ARHGAP19: variants seen among roughly 807,000 people sequenced by gnomAD.
ARHGAP19 encodes Rho GTPase activating protein 19.
A neutral mutation model predicts 60.9 loss-of-function variants in ARHGAP19; 48 were observed. The observed-to-expected ratio is 0.79, with a 90% CI of 0.62 to 1.00. ARHGAP19 has a LOEUF of 1.00. Among genes scored for constraint, ARHGAP19 ranks in the 50% least tolerant of loss-of-function variants. The pLI is 0.00. For synonymous variants in ARHGAP19, 209 were observed against 215.5 expected, an observed-to-expected ratio of 0.97 and a Z score of 0.27; for missense variants, 562 against 597.2, an observed-to-expected ratio of 0.94 and a Z score of 0.61.
intron 6 of ARHGAP19, among the ~76,000 whole-genome samples, chr10:97,247,006 G>T (rs182907269): frequency 6.6e-6 from 1 of 151,998 alleles, no homozygotes; most frequent in Admixed American, 6.6e-5. Context: ...GTGTGGTGGC[G>T]TATGCCTGTA....
intron 4 of ARHGAP19, among the ~76,000 whole-genome samples, chr10:97,261,079 A>T (rs1331197134): frequency 6.6e-6 from 1 of 152,078 alleles, no homozygotes; most frequent in African/African-American, 2.4e-5. Flanking sequence ...GCTGCTCCTT[A>T]TAACAGGCAG....
chr10:97,271,609 T>C (rs950229907), intron 1 of ARHGAP19, among the ~76,000 whole-genome samples: 8 of 151,968 alleles, frequency 5.3e-5, no homozygotes, highest in Non-Finnish European at 7.4e-5. Flanking sequence ...AATTTAAAAA[T>C]AGTATCTTTC....
At chr10:97,229,029 AATTTTTAT>A in intron 11 of ARHGAP19, 110 bp downstream of exon 11, 2 of 1,020,280 alleles carry the variant, frequency 2.0e-6, no homozygotes, top group South Asian at 2.6e-5. Flanking sequence ...CTGGCCTTGT[AATTTTTAT>A]GTCACTTCTG....
intron 4 of ARHGAP19, among the ~76,000 whole-genome samples, chr10:97,260,057 G>A (rs1271511919): frequency 3.3e-5 from 5 of 149,504 alleles, no homozygotes; most frequent in Non-Finnish European, 7.4e-5. Flanking sequence ...GGATGGTCTC[G>A]ATCTCCTGAC....
Position 97,264,819 on chromosome 10 carries a change from G to A in ARHGAP19, c.403+7C>T. On this transcript the variant is annotated splice_region_variant and intron_variant, in intron 3 of 11. Coordinates refer to ENST00000358531, the MANE Select transcript of ARHGAP19 (RefSeq NM_032900.6). ...ACAAAGAATGATAAAATTTCAAGTA[G>A]TCTTACTTTTGTGTAGATACTCAAT... The A allele has an allele frequency of 6.3e-7, 1 of 1,599,162 alleles. No homozygotes were observed. The highest frequency in any genetic ancestry group is 8.6e-7 in the Non-Finnish European group (1 of 1,167,778).
chr10:97,252,222 G>C (rs1842693600), intron 6 of ARHGAP19, among the ~76,000 whole-genome samples: 1 of 151,776 alleles, frequency 6.6e-6, no homozygotes, highest in African/African-American at 2.4e-5. Context: ...ATGCGCCTGT[G>C]GTCCCAGCTA....
rs537612843 is a variant in ARHGAP19, at chr10:97,251,083, G to A, written c.928-4746C>T. Among the ~76,000 whole-genome samples, 156 of 143,142 alleles carry A rather than the reference G, an allele frequency of 1.1e-3. 1 individual carries two copies. The highest frequency in any genetic ancestry group is 3.9e-3 in the African/African-American group (149 of 37,978). The allele number at this position is 143,142 out of a possible 152,430, so 93.9% of individuals were successfully genotyped here. ...CAAAAGAAAGAAAATAAGGAAGGAA[G>A]GGAAAGGGGAAGGGGAAAAGGAAGG... is the stretch of plus-strand genomic sequence containing the variant. On this transcript the variant is annotated intron_variant, in intron 6 of 11. Transcript: ENST00000358531.
At chr10:97,284,855 C>CA (rs1843132783) in intron 1 of ARHGAP19, among the ~76,000 whole-genome samples, 1 of 124,152 alleles carries the variant, frequency 8.1e-6, no homozygotes, top group Non-Finnish European at 1.7e-5. Context: ...AAAGCATATA[C>CA]TTTTTTTTTT....
At chr10:97,274,476 A>T (rs2134907887) in intron 1 of ARHGAP19, among the ~76,000 whole-genome samples, 1 of 151,988 alleles carries the variant, frequency 6.6e-6, no homozygotes, top group South Asian at 2.1e-4. Flanking sequence ...AAAAAAAAAA[A>T]AGAGTTCCTG....
chr10:97,235,971 TTGA>T (rs1308655351), intron 8 of ARHGAP19, among the ~76,000 whole-genome samples: 1 of 152,200 alleles, frequency 6.6e-6, no homozygotes, highest in Non-Finnish European at 1.5e-5. Context: ...TTTCAGATTG[TTGA>T]TGATGTTGCT....
chr10:97,259,310 T>C (rs1842796014), intron 5 of ARHGAP19, 92 bp downstream of exon 5: 1 of 1,035,548 alleles, frequency 9.7e-7, no homozygotes, highest in Admixed American at 1.8e-5. Context: ...GGCTAGACCT[T>C]GGACCCTTGA....
intron 8 of ARHGAP19, among the ~76,000 whole-genome samples, chr10:97,241,935 A>G (rs894959622): frequency 4.6e-5 from 7 of 151,438 alleles, no homozygotes; most frequent in Non-Finnish European, 1.0e-4. Context: ...GCGTGAACCC[A>G]GGAGGCGGAG....
Position 97,223,965 on chromosome 10 carries a change from AC to A in ARHGAP19, c.*2156del, listed in dbSNP as rs2134791559. 1 of 152,392 alleles carries A rather than the reference AC, an allele frequency of 6.6e-6. No homozygotes were observed. Among genetic ancestry groups the A allele is most frequent in the Admixed American group, 6.5e-5 (1 of 15,306 alleles). 9.4% of individuals were successfully genotyped at this position (152,392 alleles called of 1,614,324 possible). ...AAACACACATAAACCACCCAAGGAG[AC>A]CAGCTATATAAAGGCATGTGCATGT... On this transcript the variant is annotated 3_prime_UTR_variant, in exon 12 of 12. Coordinates refer to ENST00000358531, the MANE Select transcript of ARHGAP19 (RefSeq NM_032900.6).
At chr10:97,259,338 A>G in intron 5 of ARHGAP19, 64 bp downstream of exon 5, 2 of 1,249,532 alleles carry the variant, frequency 1.6e-6, no homozygotes, top group South Asian at 1.2e-5. Context: ...ACCAATGTAC[A>G]GCCATAGAAT....
intron 2 of ARHGAP19, 102 bp downstream of exon 2, chr10:97,265,758 T>C (rs948987316): frequency 2.7e-6 from 4 of 1,472,590 alleles, no homozygotes; most frequent in African/African-American, 1.4e-5. Flanking sequence ...GGCCAAAAAA[T>C]GCTTTAAGTT....
At chr10:97,243,067 C>A (rs933669256) in intron 8 of ARHGAP19, among the ~76,000 whole-genome samples, 4 of 152,196 alleles carry the variant, frequency 2.6e-5, no homozygotes, top group African/African-American at 7.2e-5. Flanking sequence ...TCAGCCAACA[C>A]CCTGTAAAAT....
intron 1 of ARHGAP19, among the ~76,000 whole-genome samples, chr10:97,283,325 G>A (rs1016746502): frequency 2.0e-5 from 3 of 151,978 alleles, no homozygotes; most frequent in African/African-American, 7.2e-5. Context: ...AGGAGGCTGA[G>A]GTGGGTGGAT....
intron 11 of ARHGAP19, 114 bp from the exon 12 acceptor site, chr10:97,226,246 T>C: frequency 1.0e-6 from 1 of 1,000,416 alleles, no homozygotes; most frequent in Non-Finnish European, 1.5e-6. Context: ...AACTGAAGGC[T>C]AATGAGTTTA....
At chr10:97,236,572 T>C (rs1842380948) in intron 8 of ARHGAP19, among the ~76,000 whole-genome samples, 1 of 151,988 alleles carries the variant, frequency 6.6e-6, no homozygotes, top group African/African-American at 2.4e-5. Context: ...ACTGGCAAAA[T>C]GTTCTGGGAA....
Sources: allele counts gnomAD v4.1 joint callset (sites outside exome capture counted in the v4.1 genomes callset), GRCh38; gene constraint gnomAD v4.1.1; transcripts MANE v1.5; gene names NCBI Gene and HGNC (gene_info 2026-07-23, HGNC 2026-07-21).